The following CLIC5 variants were observed in gnomAD, a reference collection of about 807,000 sequenced individuals.
CLIC5 encodes the protein chloride intracellular channel protein 5.
In CLIC5, 20 loss-of-function variants were observed where a neutral mutation model predicts 24.7. That is an observed-to-expected ratio of 0.81 (90% CI 0.57 to 1.18). CLIC5 has a LOEUF of 1.18. Among genes scored for constraint, CLIC5 ranks in the 50% most tolerant of loss-of-function variants. CLIC5 has a pLI of 0.00. For missense variants in CLIC5, 341 were observed against 326.1 expected, an observed-to-expected ratio of 1.05 and a Z score of -0.35; for synonymous variants, 159 against 135.6, an observed-to-expected ratio of 1.17 and a Z score of -1.20.
intron 1 of CLIC5, among the ~76,000 whole-genome samples, chr6:45,959,928 T>G (rs893958858): frequency 6.6e-6 from 1 of 152,226 alleles, no homozygotes; most frequent in Non-Finnish European, 1.5e-5. Flanking sequence ...AGGCTATTTT[T>G]TTTTTCTGCA....
chr6:45,918,770 C>G (rs934901655), intron 4 of CLIC5, among the ~76,000 whole-genome samples: 1 of 152,250 alleles, frequency 6.6e-6, no homozygotes, highest in African/African-American at 2.4e-5. Context: ...CTTTTATTGC[C>G]CTAGTCCCAT....
intron 1 of CLIC5, among the ~76,000 whole-genome samples, chr6:46,067,100 A>T (rs1762463385): frequency 6.6e-6 from 1 of 152,128 alleles, no homozygotes; most frequent in South Asian, 2.1e-4. Flanking sequence ...TTGAGTATCC[A>T]ATTTGCAATT....
chr6:45,979,951 C>CTTTTTTTTT (rs3997321), intron 1 of CLIC5, among the ~76,000 whole-genome samples: 39 of 95,040 alleles, frequency 4.1e-4, no homozygotes, highest in Non-Finnish European at 6.2e-4. Flanking sequence ...GACTTAGTCA[C>CTTTTTTTTT]TTTTTTTTTT....
chr6:46,007,097 C>G lies in CLIC5; in HGVS notation c.63+8383G>C, dbSNP rs774391948. 2.0e-5 allele frequency among the ~76,000 whole-genome samples: 3 copies of G among 152,206 alleles called. No individual in the cohort carries two copies. In the South Asian group the frequency reaches 6.2e-4, roughly 31 times the overall value. On this transcript the variant is annotated intron_variant, in intron 1 of 5. Coordinates refer to ENST00000339561, the MANE Select transcript of CLIC5 (RefSeq NM_016929.5). Reference sequence around the variant, plus strand: ...TTCAGATAAAATCCCTAGCCCTGAGCCCCTGTGATCCTCAGCTCTGATCCT... The same window carrying G: ...TTCAGATAAAATCCCTAGCCCTGAGGCCCTGTGATCCTCAGCTCTGATCCT...
At chr6:46,055,163 C>T (rs918812197) in intron 1 of CLIC5, among the ~76,000 whole-genome samples, 2 of 152,170 alleles carry the variant, frequency 1.3e-5, no homozygotes, top group Non-Finnish European at 2.9e-5. Context: ...AGTGCAGTGG[C>T]GCCATCTCAG....
At chr6:45,906,440 G>A (rs1014081791) in intron 5 of CLIC5, among the ~76,000 whole-genome samples, 4 of 152,054 alleles carry the variant, frequency 2.6e-5, no homozygotes, top group Admixed American at 6.6e-5. Context: ...CTGGTTAGAT[G>A]TAGTCCTAGA....
intron 4 of CLIC5, among the ~76,000 whole-genome samples, chr6:45,932,112 C>CTTTTCTT (rs1032676112): frequency 7.2e-5 from 11 of 152,234 alleles, no homozygotes; most frequent in African/African-American, 2.6e-4. Flanking sequence ...TTTAAAGTTT[C>CTTTTCTT]TTTTCTTTTT....
intron 1 of CLIC5, among the ~76,000 whole-genome samples, chr6:46,077,561 A>G (rs1290791295): frequency 1.3e-5 from 2 of 151,954 alleles, no homozygotes; most frequent in Non-Finnish European, 2.9e-5. Context: ...GATTTTATAT[A>G]TTCTACTTCC....
chr6:46,027,880 A>T (rs1166821773), intron 1 of CLIC5, among the ~76,000 whole-genome samples: 2 of 152,264 alleles, frequency 1.3e-5, no homozygotes, highest in Admixed American at 6.5e-5. Flanking sequence ...TATGCTTTTT[A>T]AAAAAATTGC....
At chr6:45,914,650 A>T (rs956460774) in intron 4 of CLIC5, 1 of 660,770 alleles carries the variant, frequency 1.5e-6, no homozygotes, top group Non-Finnish European at 2.0e-6. Flanking sequence ...TTTGAAAAAA[A>T]TACATAAATA....
At chr6:46,055,334 C>T (rs1321095166) in intron 1 of CLIC5, among the ~76,000 whole-genome samples, 1 of 152,148 alleles carries the variant, frequency 6.6e-6, no homozygotes, top group Non-Finnish European at 1.5e-5. Flanking sequence ...AACTCCAGAC[C>T]TCAGGTGATC....
chr6:45,983,998 A>G (rs532971826), intron 1 of CLIC5, among the ~76,000 whole-genome samples: 1 of 152,338 alleles, frequency 6.6e-6, no homozygotes, highest in South Asian at 2.1e-4. Context: ...TCCAGCACAT[A>G]GTAGGGCCTC....
chr6:45,991,328 G>A (rs1447827702), intron 1 of CLIC5, among the ~76,000 whole-genome samples: 3 of 152,198 alleles, frequency 2.0e-5, no homozygotes, highest in Non-Finnish European at 4.4e-5. Flanking sequence ...TGTGAAGAGG[G>A]CCAGTTGGCA....
intron 4 of CLIC5, among the ~76,000 whole-genome samples, chr6:45,936,009 C>T (rs1022506953): frequency 6.6e-6 from 1 of 152,034 alleles, no homozygotes; most frequent in Non-Finnish European, 1.5e-5. Context: ...CTCCATCCTC[C>T]CTGGCTAGTC....
At chr6:45,882,774 G>A (rs1762274433) in intron 6 of CLIC5, among the ~76,000 whole-genome samples, 1 of 152,204 alleles carries the variant, frequency 6.6e-6, no homozygotes, top group Admixed American at 6.5e-5. Flanking sequence ...CTGAAGAGAT[G>A]TGATTACTTT....
rs367749546 is a variant in CLIC5 at position 45,914,317 on chromosome 6, C to G, written c.499G>C (p.Glu167Gln). 6.2e-7 allele frequency: 1 copy of G among 1,607,076 alleles called. No homozygotes were observed. The highest frequency in any genetic ancestry group is 8.5e-7 in the Non-Finnish European group (1 of 1,175,306). The change falls in exon 5 of 6, where the codon GAA (glutamate) becomes CAA (glutamine). Residue 167 changes from glutamate (E) to glutamine (Q), a missense_variant. Glu to Gln is a conservative substitution (Grantham distance 29). Coordinates refer to ENST00000339561, the MANE Select transcript of CLIC5 (RefSeq NM_016929.5). ...AACTTGCGCCGGGACCCCTTGTCTT[C>G]CCCACAAGTGTTGGCGTCAATCTCC... ...PEEIDANTCG[E>Q]DKGSRRKFLD...
In CLIC5 at chr6:46,004,802, C is replaced by G. The variant is rs190291375; in HGVS notation, c.63+10678G>C. Among the ~76,000 whole-genome samples, 569 of 152,302 alleles carry G rather than the reference C, an allele frequency of 3.7e-3. 6 individuals carry two copies. Among genetic ancestry groups the G allele is most frequent in the African/African-American group, 0.013 (552 of 41,552 alleles). On this transcript the variant is annotated intron_variant, in intron 1 of 5. Coordinates refer to ENST00000339561, the MANE Select transcript of CLIC5 (RefSeq NM_016929.5). ...CCTACACAGCTCCCCTCTCCCAGAG[C>G]CTGTGGGGAAGCCCTGCCCAGAACC...
At chr6:45,893,156 C>T (rs1388784338) in intron 6 of CLIC5, among the ~76,000 whole-genome samples, 2 of 151,166 alleles carry the variant, frequency 1.3e-5, no homozygotes, top group African/African-American at 4.9e-5. Context: ...CATTCATCAC[C>T]TTTCTCCTAG....
chr6:46,062,563 A>G (rs1195676183), intron 1 of CLIC5, among the ~76,000 whole-genome samples: 1 of 152,188 alleles, frequency 6.6e-6, no homozygotes, highest in Non-Finnish European at 1.5e-5. Flanking sequence ...ATAAAGCATA[A>G]AAGTGGGACA....
Sources: gnomAD v4.1 joint callset for allele counts (sites outside exome capture counted in the v4.1 genomes callset) on GRCh38, gnomAD v4.1.1 for gene constraint, MANE v1.5 for transcripts, NCBI Gene and HGNC (gene_info 2026-07-23, HGNC 2026-07-21) for gene names.